NKAIN2: variants seen among roughly 807,000 people sequenced by gnomAD.
NKAIN2 encodes the protein sodium/potassium-transporting ATPase subunit beta-1-interacting protein 2.
A neutral mutation model predicts 32.6 loss-of-function variants in NKAIN2; 14 were observed. The ratio of observed to expected loss-of-function variants is 0.43; its 90% CI spans 0.28 to 0.67. The LOEUF (loss-of-function observed/expected upper bound fraction) is 0.67, where lower values mean the gene tolerates loss of function less well. NKAIN2 is among the 30% of genes least tolerant of loss of function. NKAIN2 has a pLI of 0.17. For synonymous variants in NKAIN2, 80 were observed against 87.2 expected, an observed-to-expected ratio of 0.92 and a Z score of 0.46; for missense variants, 198 against 258.3, an observed-to-expected ratio of 0.77 and a Z score of 1.60.
chr6:124,209,021 A>G lies in NKAIN2; in HGVS notation c.55-73984A>G, dbSNP rs539830846. Among the ~76,000 whole-genome samples the G allele has an allele frequency of 7.9e-5, 12 of 151,494 alleles. No homozygotes were observed. The East Asian group carries it at 2.3e-3, about 29-fold the overall frequency. The stretch of plus-strand genomic sequence containing the variant: ...TTAAAATATGCCATACATTATTGTT[A>G]AATATAGTCACCTTATTTTGGTACT... On this transcript the variant is annotated intron_variant, in intron 1 of 6. Transcript: ENST00000368417.
chr6:123,933,287 C>G (rs1402880023), intron 1 of NKAIN2, among the ~76,000 whole-genome samples: 6 of 152,030 alleles, frequency 3.9e-5, no homozygotes, highest in Non-Finnish European at 8.8e-5. Context: ...AAATTGTTAA[C>G]ATATATTTTA....
intron 3 of NKAIN2, among the ~76,000 whole-genome samples, chr6:124,395,295 A>G (rs751282649): frequency 9.9e-5 from 15 of 152,178 alleles, no homozygotes; most frequent in South Asian, 2.1e-4. Flanking sequence ...GAAATCTTCT[A>G]TGAAATTCTT....
chr6:124,495,650 A>T (rs994669329), intron 3 of NKAIN2, among the ~76,000 whole-genome samples: 1 of 152,166 alleles, frequency 6.6e-6, no homozygotes, highest in Non-Finnish European at 1.5e-5. Flanking sequence ...CTTAGTCTTT[A>T]CACTAAGACA....
At chr6:124,727,363 C>T (rs531163117) in intron 4 of NKAIN2, among the ~76,000 whole-genome samples, 177 of 152,218 alleles carry the variant, frequency 1.2e-3, no homozygotes, top group South Asian at 5.8e-3. Context: ...GATCTCTTGG[C>T]AGAAACCCTA....
intron 3 of NKAIN2, among the ~76,000 whole-genome samples, chr6:124,650,033 C>A (rs1227631117): frequency 6.6e-6 from 1 of 152,128 alleles, no homozygotes; most frequent in Non-Finnish European, 1.5e-5. Context: ...ATAAAAAAAT[C>A]TATAGCTAAC....
intron 1 of NKAIN2, among the ~76,000 whole-genome samples, chr6:123,967,971 T>C (rs988876910): frequency 6.6e-6 from 1 of 152,138 alleles, no homozygotes; most frequent in African/African-American, 2.4e-5. Context: ...AGGGTTCAGG[T>C]GCCTCTCAGG....
At chr6:124,572,766 TATATC>T (rs929458720) in intron 3 of NKAIN2, among the ~76,000 whole-genome samples, 11 of 152,200 alleles carry the variant, frequency 7.2e-5, no homozygotes, top group Non-Finnish European at 1.3e-4. Context: ...ATTAAATAAT[TATATC>T]AATTAATTCC....
At chr6:124,757,212 T>C (rs1279470906) in intron 4 of NKAIN2, among the ~76,000 whole-genome samples, 2 of 152,218 alleles carry the variant, frequency 1.3e-5, no homozygotes, top group African/African-American at 4.8e-5. Flanking sequence ...TGAAACATCA[T>C]TTATCTGTCC....
chr6:124,436,754 C>G (rs1381705300), intron 3 of NKAIN2, among the ~76,000 whole-genome samples: 1 of 152,134 alleles, frequency 6.6e-6, no homozygotes, highest in East Asian at 1.9e-4. Context: ...TGGTTCCCAG[C>G]TTCTATTCTA....
At chr6:124,734,002 G>C (rs369693186) in intron 4 of NKAIN2, among the ~76,000 whole-genome samples, 6 of 150,810 alleles carry the variant, frequency 4.0e-5, no homozygotes, top group African/African-American at 9.7e-5. Context: ...TCTAGGACTA[G>C]AGCAGGAAAT....
At chr6:124,397,782 A>G (rs1773449413) in intron 3 of NKAIN2, among the ~76,000 whole-genome samples, 1 of 152,202 alleles carries the variant, frequency 6.6e-6, no homozygotes, top group African/African-American at 2.4e-5. Context: ...CAGGAAGATT[A>G]ACGAATTGTG....
intron 1 of NKAIN2, among the ~76,000 whole-genome samples, chr6:124,100,246 C>T (rs1032049364): frequency 1.2e-4 from 19 of 152,026 alleles, no homozygotes; most frequent in East Asian, 3.9e-4. Context: ...GTATGCAAGA[C>T]GAGTAATGAA....
chr6:124,201,465 T>A (rs1234336991), intron 1 of NKAIN2, among the ~76,000 whole-genome samples: 2 of 151,988 alleles, frequency 1.3e-5, no homozygotes, highest in Non-Finnish European at 2.9e-5. Context: ...GGAAATTAGT[T>A]ACCTATTGTT....
chr6:123,968,358 C>A (rs1274957298), intron 1 of NKAIN2, among the ~76,000 whole-genome samples: 1 of 152,140 alleles, frequency 6.6e-6, no homozygotes, highest in African/African-American at 2.4e-5. Flanking sequence ...ATGATTCCAT[C>A]TTGGGGCTGA....
At chr6:124,627,336 A>T in intron 3 of NKAIN2, among the ~76,000 whole-genome samples, 1 of 152,212 alleles carries the variant, frequency 6.6e-6, no homozygotes, top group East Asian at 1.9e-4. Flanking sequence ...ATGCATTTTT[A>T]AAACTACTAC....
At chr6:124,331,198 G>T (rs1043406617) in intron 2 of NKAIN2, among the ~76,000 whole-genome samples, 2 of 151,524 alleles carry the variant, frequency 1.3e-5, no homozygotes, top group African/African-American at 4.8e-5. Flanking sequence ...TTAGAGTTAG[G>T]ATCTACTGTA....
At chr6:124,725,926 G>A (rs947099344) in intron 4 of NKAIN2, among the ~76,000 whole-genome samples, 8 of 152,214 alleles carry the variant, frequency 5.3e-5, no homozygotes, top group East Asian at 3.9e-4. Context: ...TTCCCTTTCC[G>A]AGTCAAAGAA....
In NKAIN2 at chr6:124,164,041, T is replaced by G. The variant is rs546310551; in HGVS notation, c.55-118964T>G. On this transcript the variant is annotated intron_variant, in intron 1 of 6. Coordinates refer to ENST00000368417, the MANE Select transcript of NKAIN2 (RefSeq NM_001040214.3). The stretch of plus-strand genomic sequence containing the variant: ...GGATAGTCCATATTTGGTTTGCTTT[T>G]TAAAAAAAATTTCCATCAATATTTA... 3.3e-5 allele frequency among the ~76,000 whole-genome samples: 5 copies of G among 152,102 alleles called. No individual in the cohort carries two copies. In the South Asian group the frequency reaches 1.0e-3, roughly 32 times the overall value.
chr6:124,387,839 A>G (rs2114401191), intron 3 of NKAIN2, among the ~76,000 whole-genome samples: 1 of 152,238 alleles, frequency 6.6e-6, no homozygotes, highest in African/African-American at 2.4e-5. Flanking sequence ...CCTAATTGGT[A>G]GTCAAGAAAT....
Sources: gnomAD v4.1 joint callset for allele counts (sites outside exome capture counted in the v4.1 genomes callset) on GRCh38, gnomAD v4.1.1 for gene constraint, MANE v1.5 for transcripts, NCBI Gene and HGNC (gene_info 2026-07-23, HGNC 2026-07-21) for gene names.